CHD7: variants seen among roughly 807,000 people sequenced by gnomAD.
CHD7 encodes ATP-dependent chromatin remodeler CHD7.
Under a neutral mutation model 307.3 loss-of-function variants are expected in CHD7, and 24 were observed. The observed-to-expected ratio is 0.08, with a 90% confidence interval of 0.06 to 0.11. The LOEUF (loss-of-function observed/expected upper bound fraction) is 0.11, where lower values mean the gene tolerates loss of function less well. Among genes scored for constraint, CHD7 ranks in the 10% least tolerant of loss-of-function variants. CHD7 has a pLI of 1.00. For missense variants in CHD7, 3,106 were observed against 3,727.1 expected, an observed-to-expected ratio of 0.83 and a Z score of 4.34; for synonymous variants, 1,363 against 1,349.9, an observed-to-expected ratio of 1.01 and a Z score of -0.21.
At chr8:60,728,626 T>A (rs1808290021) in intron 1 of CHD7, among the ~76,000 whole-genome samples, 1 of 152,176 alleles carries the variant, frequency 6.6e-6, no homozygotes, top group South Asian at 2.1e-4. Context: ...TCTTTCTTGA[T>A]GTGCCCGCCT....
At chr8:60,698,634 T>A (rs956245546) in intron 1 of CHD7, among the ~76,000 whole-genome samples, 1 of 152,218 alleles carries the variant, frequency 6.6e-6, no homozygotes, top group African/African-American at 2.4e-5. Context: ...GCCTGGCATA[T>A]TTTATACCAA....
At chr8:60,816,159 C>T (rs1233787621) in intron 7 of CHD7, among the ~76,000 whole-genome samples, 2 of 150,014 alleles carry the variant, frequency 1.3e-5, no homozygotes, top group African/African-American at 4.9e-5. Flanking sequence ...CTCTCTGTAA[C>T]AGGTAAGAGA....
intron 16 of CHD7, among the ~76,000 whole-genome samples, 155 bp from the exon 17 acceptor site, chr8:60,836,662 C>T (rs1185050660): frequency 2.6e-5 from 4 of 152,152 alleles, no homozygotes; most frequent in South Asian, 4.1e-4. Flanking sequence ...ATATAAAAAA[C>T]GCCAATAAAC....
In CHD7 at chr8:60,781,415, C is replaced by T. The variant is rs1176956456; in HGVS notation, c.2081C>T (p.Ser694Phe). ...KAKTATPKPKSSKKSSNKKPD... is the reference protein window; with the variant it reads ...KAKTATPKPKFSKKSSNKKPD... ...AAAACTGCCACGCCAAAACCCAAAT[C>T]CAGCAAAAAGTCAAGGTAGGCTGTG... Residue 694 changes from serine (S) to phenylalanine (F), a missense_variant, in exon 3 of 38, where the codon TCC (serine) becomes TTC (phenylalanine). Around this residue, in one of 10 missense-constraint regions of CHD7, gnomAD observed 998 missense variants for 1,004.5 expected, o/e 0.99. Coordinates refer to ENST00000423902, the MANE Select transcript of CHD7 (RefSeq NM_017780.4). The T allele has an allele frequency of 2.6e-6, 4 of 1,524,852 alleles. No individual in the cohort carries two copies. Among genetic ancestry groups the T allele is most frequent in the African/African-American group, 1.4e-5 (1 of 70,644 alleles). 94.5% of individuals were successfully genotyped at this position (1,524,852 alleles called of 1,614,324 possible). A position where few individuals can be genotyped will look rare whatever the true frequency, so the allele number is the denominator to read the frequency against.
chr8:60,744,600 C>T (rs1209207295), intron 2 of CHD7, among the ~76,000 whole-genome samples: 1 of 150,708 alleles, frequency 6.6e-6, no homozygotes, highest in East Asian at 2.0e-4. Flanking sequence ...TGCCTGCAAT[C>T]CCAGCACTCT....
At chr8:60,785,782 A>G (rs879723114) in intron 3 of CHD7, among the ~76,000 whole-genome samples, 1 of 152,170 alleles carries the variant, frequency 6.6e-6, no homozygotes, top group African/African-American at 2.4e-5. Context: ...TGTCAGGTAC[A>G]TGGGTAATAA....
chr8:60,859,137 CT>C (rs34162663), intron 34 of CHD7, among the ~76,000 whole-genome samples: 18,210 of 147,940 alleles, frequency 0.12, 2,186 homozygotes, highest in African/African-American at 0.31. Flanking sequence ...ATTTTTAAAA[CT>C]TTTTTTTTTT....
chr8:60,743,810 G>T (rs1209383241), intron 2 of CHD7, among the ~76,000 whole-genome samples: 3 of 152,148 alleles, frequency 2.0e-5, no homozygotes, highest in Non-Finnish European at 2.9e-5. Context: ...TATAAATTTT[G>T]TTGTTTATGC....
rs781624235 is a variant in CHD7, at chr8:60,845,429, A to G, written c.5210+20A>G. The G allele has an allele frequency of 1.2e-5, 19 of 1,611,666 alleles. No individual in the cohort carries two copies. The Middle Eastern group carries it at 6.6e-4, about 56-fold the overall frequency. The stretch of plus-strand genomic sequence containing the variant: ...TAACAAGTATGTTATTAGAGGGTGG[A>G]CCTGGAGAGCTTAATTCCCTTTTTA... On this transcript the variant is annotated intron_variant, in intron 23 of 37. Transcript: ENST00000423902.
chr8:60,749,512 T>C (rs1809523009), intron 2 of CHD7, among the ~76,000 whole-genome samples: 1 of 150,288 alleles, frequency 6.7e-6, no homozygotes, highest in African/African-American at 2.4e-5. Flanking sequence ...TAGACAAAAA[T>C]ACCTTTTTAA....
chr8:60,771,952 A>G lies in CHD7; in HGVS notation c.1666-9048A>G, dbSNP rs553357927. ...CCTTTAAGTAACTCCAAACCAATTG[A>G]TTTGGAAATCTTGATTACACGTGAA... is the stretch of plus-strand genomic sequence containing the variant. On this transcript the variant is annotated intron_variant, in intron 2 of 37. Coordinates refer to ENST00000423902, the MANE Select transcript of CHD7 (RefSeq NM_017780.4). 5.9e-5 allele frequency among the ~76,000 whole-genome samples: 9 copies of G among 152,244 alleles called. No homozygotes were observed. In the South Asian group the frequency reaches 1.9e-3, roughly 32 times the overall value.
rs1808998101 is a variant in CHD7 at position 60,741,413 on chromosome 8, G to A, written c.-20G>A. On this transcript the variant is annotated 5_prime_UTR_variant, in exon 2 of 38. Transcript: ENST00000423902. ...CAAGCTCCTGAGCTGTGGTTTGGAG[G>A]AGCCGTGTGTTGGAAGAAGATGGCA... The A allele has an allele frequency of 5.7e-6, 9 of 1,569,702 alleles. No individual in the cohort carries two copies. The highest frequency in any genetic ancestry group is 3.5e-5 in the South Asian group (3 of 85,250).
chr8:60,765,629 G>T (rs1810436701), intron 2 of CHD7, among the ~76,000 whole-genome samples: 1 of 152,328 alleles, frequency 6.6e-6, no homozygotes, highest in African/African-American at 2.4e-5. Flanking sequence ...AGAGCAAAGT[G>T]CCTTTGTGCG....
intron 6 of CHD7, among the ~76,000 whole-genome samples, chr8:60,807,856 G>A (rs915697993): frequency 2.0e-5 from 3 of 152,280 alleles, no homozygotes; most frequent in African/African-American, 7.2e-5. Context: ...GAGAGCAGTT[G>A]CTAATTGGCT....
chr8:60,813,317 T>C (rs1164011015), intron 7 of CHD7, among the ~76,000 whole-genome samples: 1 of 152,186 alleles, frequency 6.6e-6, no homozygotes, highest in African/African-American at 2.4e-5. Context: ...TCTCTAGGGT[T>C]CTCCAGGTAC....
intron 1 of CHD7, among the ~76,000 whole-genome samples, chr8:60,692,276 T>G (rs1012524846): frequency 6.6e-6 from 1 of 152,236 alleles, no homozygotes; most frequent in African/African-American, 2.4e-5. Flanking sequence ...GATGACTGAT[T>G]AAGCGTTTGA....
At chr8:60,716,049 T>G (rs528429672) in intron 1 of CHD7, among the ~76,000 whole-genome samples, 3 of 152,358 alleles carry the variant, frequency 2.0e-5, no homozygotes, top group South Asian at 4.1e-4. Flanking sequence ...TTAGAAACCT[T>G]GGAGTCCTCC....
chr8:60,691,021 G>A (rs1276100866), intron 1 of CHD7, among the ~76,000 whole-genome samples: 2 of 152,122 alleles, frequency 1.3e-5, no homozygotes, highest in Non-Finnish European at 2.9e-5. Flanking sequence ...CACCTCCTGG[G>A]TTCAAGCAAT....
At chr8:60,789,479 C>T (rs1216942621) in intron 3 of CHD7, among the ~76,000 whole-genome samples, 1 of 152,184 alleles carries the variant, frequency 6.6e-6, no homozygotes, top group African/African-American at 2.4e-5. Context: ...CTAACTTATC[C>T]CATCTGAAGA....
Sources: allele counts gnomAD v4.1 joint callset (sites outside exome capture counted in the v4.1 genomes callset), GRCh38; gene constraint gnomAD v4.1.1; regional missense constraint gnomAD v4.1.1; transcripts MANE v1.5; gene names NCBI Gene and HGNC (gene_info 2026-07-23, HGNC 2026-07-21).